ROR2: variants seen among roughly 807,000 people sequenced by gnomAD.
ROR2 encodes tyrosine-protein kinase transmembrane receptor ROR2.
Under a neutral mutation model 74.9 loss-of-function variants are expected in ROR2, and 33 were observed. The observed-to-expected ratio is 0.44, with a 90% CI of 0.33 to 0.59. ROR2 has a LOEUF of 0.59. Ranked by LOEUF, ROR2 falls within the 20% of genes least tolerant of loss-of-function variation. The pLI, the probability that ROR2 is intolerant of heterozygous loss-of-function variation, is 0.02. For missense variants in ROR2, 1,216 were observed against 1,313.8 expected (o/e 0.93, Z 1.15); for synonymous variants, 586 against 558.7 (o/e 1.05, Z -0.69).
intron 1 of ROR2, among the ~76,000 whole-genome samples, chr9:91,901,720 G>A (rs1172390963): frequency 6.6e-6 from 1 of 150,944 alleles, no homozygotes; most frequent in African/African-American, 2.4e-5. Flanking sequence ...GGAAGCTGAG[G>A]CGGGAGAACT....
At chr9:91,918,861 T>C (rs1322636940) in intron 1 of ROR2, among the ~76,000 whole-genome samples, 4 of 152,182 alleles carry the variant, frequency 2.6e-5, no homozygotes, top group Non-Finnish European at 5.9e-5. Flanking sequence ...TCATTACAGA[T>C]GACTGAAGTT....
chr9:91,744,244 C>CA (rs1271776472), intron 4 of ROR2, among the ~76,000 whole-genome samples: 3 of 72,094 alleles, frequency 4.2e-5, no homozygotes, highest in African/African-American at 1.1e-4. Flanking sequence ...TTTTGAGAGA[C>CA]AGAGTATTGC....
intron 1 of ROR2, among the ~76,000 whole-genome samples, chr9:91,789,455 T>C (rs1489813087): frequency 6.6e-6 from 1 of 152,224 alleles, no homozygotes; most frequent in Admixed American, 6.5e-5. Context: ...TTTATTCATT[T>C]ACTTGTTTTA....
intron 1 of ROR2, among the ~76,000 whole-genome samples, chr9:91,899,783 C>A (rs1455517682): frequency 6.6e-6 from 1 of 152,084 alleles, no homozygotes; most frequent in African/African-American, 2.4e-5. Context: ...ACAACACATG[C>A]GCCACAATCC....
intron 1 of ROR2, among the ~76,000 whole-genome samples, chr9:91,865,042 C>CTAT (rs1829587176): frequency 6.6e-6 from 1 of 152,170 alleles, no homozygotes. Flanking sequence ...ACAGCAAAGT[C>CTAT]TTCAATAGAG....
intron 4 of ROR2, among the ~76,000 whole-genome samples, chr9:91,742,950 G>A (rs72744465): frequency 0.072 from 10,925 of 152,132 alleles, 480 homozygotes; most frequent in African/African-American, 0.12. Context: ...CGTTACTGTT[G>A]CCTACAGTAT....
intron 1 of ROR2, among the ~76,000 whole-genome samples, chr9:91,789,453 T>C (rs1168230205): frequency 2.0e-5 from 3 of 152,160 alleles, no homozygotes; most frequent in Non-Finnish European, 4.4e-5. Flanking sequence ...CTTTTATTCA[T>C]TTACTTGTTT....
chr9:91,908,803 G>T (rs1452329669), intron 1 of ROR2, among the ~76,000 whole-genome samples: 1 of 152,046 alleles, frequency 6.6e-6, no homozygotes, highest in South Asian at 2.1e-4. Flanking sequence ...CAAGCGGAGG[G>T]TGCCAATTAA....
chr9:91,834,990 G>A (rs1056673262), intron 1 of ROR2, among the ~76,000 whole-genome samples: 5 of 151,570 alleles, frequency 3.3e-5, no homozygotes, highest in Admixed American at 6.6e-5. Flanking sequence ...ATGTCTCTGG[G>A]CACAAACGTC....
chr9:91,914,801 T>A (rs1291707796), intron 1 of ROR2, among the ~76,000 whole-genome samples: 1 of 152,100 alleles, frequency 6.6e-6, no homozygotes, highest in East Asian at 1.9e-4. Context: ...TTCCTGCTCC[T>A]GAGCACCTGA....
chr9:91,789,396 CTAAG>C (rs1826901629), intron 1 of ROR2, among the ~76,000 whole-genome samples: 1 of 152,080 alleles, frequency 6.6e-6, no homozygotes, highest in African/African-American at 2.4e-5. Flanking sequence ...GTAAAGGTAA[CTAAG>C]TAGGTACTGT....
At chr9:91,815,484 C>T (rs7022147) in intron 1 of ROR2, among the ~76,000 whole-genome samples, 6 of 152,038 alleles carry the variant, frequency 3.9e-5, no homozygotes, top group Non-Finnish European at 8.8e-5. Context: ...AATGTTCACA[C>T]GTAGAATGAA....
intron 1 of ROR2, among the ~76,000 whole-genome samples, chr9:91,848,305 C>A (rs1042232096): frequency 2.0e-5 from 3 of 152,052 alleles, no homozygotes; most frequent in African/African-American, 7.2e-5. Context: ...ACCAGGGGAG[C>A]GGAGCTGTAT....
chr9:91,749,108 G>T (rs1286257818), intron 4 of ROR2, among the ~76,000 whole-genome samples: 1 of 152,182 alleles, frequency 6.6e-6, no homozygotes, highest in Non-Finnish European at 1.5e-5. Flanking sequence ...AGCAGCATTA[G>T]TTCTCCCCTA....
At chr9:91,880,067 A>C (rs1231103852) in intron 1 of ROR2, among the ~76,000 whole-genome samples, 2 of 152,188 alleles carry the variant, frequency 1.3e-5, no homozygotes, top group African/African-American at 2.4e-5. Context: ...ATAGCTCAGA[A>C]TGTGACTGCA....
At chr9:91,862,076 C>A (rs1255447265) in intron 1 of ROR2, among the ~76,000 whole-genome samples, 1 of 152,096 alleles carries the variant, frequency 6.6e-6, no homozygotes, top group Non-Finnish European at 1.5e-5. Flanking sequence ...GTAATCCCAG[C>A]ACTTTGGGAG....
chr9:91,837,958 A>T (rs1828662821), intron 1 of ROR2, among the ~76,000 whole-genome samples: 1 of 152,166 alleles, frequency 6.6e-6, no homozygotes, highest in Non-Finnish European at 1.5e-5. Context: ...TCGAACTGCC[A>T]CTTTAAATAT....
At chr9:91,940,885 A>G (rs1012774796) in intron 1 of ROR2, among the ~76,000 whole-genome samples, 4 of 151,832 alleles carry the variant, frequency 2.6e-5, no homozygotes, top group Non-Finnish European at 5.9e-5. Flanking sequence ...TACAGGCGTG[A>G]GCCACCACCT....
chr9:91,729,750 A>T (rs1404671732), intron 7 of ROR2, among the ~76,000 whole-genome samples: 1 of 152,162 alleles, frequency 6.6e-6, no homozygotes, highest in East Asian at 1.9e-4. Context: ...GAACTGTCGA[A>T]GCTGTCAACC....
Sources: gnomAD v4.1 joint callset for allele counts (sites outside exome capture counted in the v4.1 genomes callset) on GRCh38, gnomAD v4.1.1 for gene constraint, MANE v1.5 for transcripts, NCBI Gene and HGNC (gene_info 2026-07-23, HGNC 2026-07-21) for gene names.